Variants in RAPGEF2 observed in about 807,000 individuals in gnomAD.
RAPGEF2 encodes the protein Rap guanine nucleotide exchange factor 2, also known as PDZ domain containing guanine nucleotide exchange factor (GEF) 1.
RAPGEF2 carries 54 observed loss-of-function variants against 186.7 expected under a neutral mutation model. The ratio of observed to expected loss-of-function variants is 0.29; its 90% CI spans 0.23 to 0.36. RAPGEF2 has a LOEUF of 0.36. Ranked by LOEUF, RAPGEF2 falls within the 10% of genes least tolerant of loss-of-function variation. The pLI is 1.00. For synonymous variants in RAPGEF2, 712 were observed against 705.9 expected (o/e 1.01, Z -0.14); for missense variants, 1,532 against 2,045.0 (o/e 0.75, Z 4.84).
chr4:159,131,631 A>C (rs571028146), intron 1 of RAPGEF2, among the ~76,000 whole-genome samples: 1 of 147,770 alleles, frequency 6.8e-6, no homozygotes, highest in East Asian at 2.0e-4. Context: ...TGCTAAGTGC[A>C]GTTAAAGTTC....
chr4:159,310,171 CAT>C (rs532925302), intron 8 of RAPGEF2, among the ~76,000 whole-genome samples: 132 of 152,148 alleles, frequency 8.7e-4, no homozygotes, highest in African/African-American at 3.0e-3. Flanking sequence ...GTATTTGAAA[CAT>C]AATAGTAATT....
At position 159,350,256 on chromosome 4, in the gene RAPGEF2, C is replaced by T; in HGVS notation, c.3832C>T (p.Pro1278Ser). ...AAATGCATCTTCGCAGCTTTCTTCTCCTCCTACTTCTCCACAGAGTTCTCC... is the reference window on the plus strand; with the variant it reads ...AAATGCATCTTCGCAGCTTTCTTCTTCTCCTACTTCTCCACAGAGTTCTCC... ...ISNASSQLSS[P>S]PTSPQSSPRK... The change falls in exon 26 of 30, where the codon CCT (proline) becomes TCT (serine). Residue 1278 changes from proline to serine, a missense_variant. Coordinates refer to ENST00000691494, the MANE Select transcript of RAPGEF2 (RefSeq NM_001394067.2). 1 of 1,594,546 alleles carries T rather than the reference C, an allele frequency of 6.3e-7. No homozygotes were observed. The highest frequency in any genetic ancestry group is 8.5e-7 in the Non-Finnish European group (1 of 1,171,900).
intron 4 of RAPGEF2, among the ~76,000 whole-genome samples, chr4:159,222,316 A>G (rs979239422): frequency 4.6e-5 from 7 of 152,218 alleles, no homozygotes; most frequent in Non-Finnish European, 1.0e-4. Flanking sequence ...TAACACAGTA[A>G]GTAGCCGTAA....
rs1000167247 is a variant in RAPGEF2 at position 159,350,358 on chromosome 4, G to A, written c.3865+69G>A. 34 of 1,284,978 alleles carry A rather than the reference G, an allele frequency of 2.6e-5. No homozygotes were observed. The East Asian group carries it at 6.8e-4, about 26-fold the overall frequency. 79.6% of individuals were successfully genotyped at this position (1,284,978 alleles called of 1,614,324 possible). On this transcript the variant is annotated intron_variant, in intron 26 of 29. Coordinates refer to ENST00000691494, the MANE Select transcript of RAPGEF2 (RefSeq NM_001394067.2). ...CATTTTGGCTATAATAAATTCCAGA[G>A]TAATGTATTACATAATTCCTAACAT... is the stretch of plus-strand genomic sequence containing the variant.
At chr4:159,138,263 C>G (rs1338778849) in intron 1 of RAPGEF2, among the ~76,000 whole-genome samples, 1 of 152,160 alleles carries the variant, frequency 6.6e-6, no homozygotes, top group Non-Finnish European at 1.5e-5. Context: ...AGATGGGTAT[C>G]TATACCTAAA....
At chr4:159,188,539 T>A (rs949654825) in intron 2 of RAPGEF2, among the ~76,000 whole-genome samples, 2 of 151,146 alleles carry the variant, frequency 1.3e-5, no homozygotes, top group African/African-American at 4.9e-5. Flanking sequence ...TGGCAAACGC[T>A]TATAATCCCA....
chr4:159,337,134 A>G (rs1364420074), intron 17 of RAPGEF2, among the ~76,000 whole-genome samples: 1 of 152,238 alleles, frequency 6.6e-6, no homozygotes, highest in Non-Finnish European at 1.5e-5. Context: ...AATAACCAGT[A>G]TTTCTCTGGA....
intron 1 of RAPGEF2, among the ~76,000 whole-genome samples, chr4:159,141,023 G>T (rs1742261892): frequency 1.3e-5 from 2 of 151,856 alleles, no homozygotes; most frequent in African/African-American, 4.8e-5. Context: ...GTAGAGACGG[G>T]GTTGAGTTCA....
intron 7 of RAPGEF2, among the ~76,000 whole-genome samples, chr4:159,293,977 AC>A (rs1422278319): frequency 1.2e-4 from 18 of 152,182 alleles, no homozygotes; most frequent in Admixed American, 1.2e-3. Context: ...ATTGGCACTT[AC>A]GTAACCGGAA....
At chr4:159,323,664 A>G in intron 11 of RAPGEF2, 47 bp downstream of exon 11, 11 of 1,152,144 alleles carry the variant, frequency 9.5e-6, no homozygotes, top group Non-Finnish European at 1.3e-5. Context: ...TTAATAAAGA[A>G]CACTTATATG....
At chr4:159,252,297 G>T (rs1322158852) in intron 7 of RAPGEF2, among the ~76,000 whole-genome samples, 1 of 152,166 alleles carries the variant, frequency 6.6e-6, no homozygotes, top group Non-Finnish European at 1.5e-5. Flanking sequence ...CGATTTGCCT[G>T]CCTTGGCCTC....
At chr4:159,274,914 C>T (rs958578457) in intron 7 of RAPGEF2, among the ~76,000 whole-genome samples, 3 of 152,136 alleles carry the variant, frequency 2.0e-5, no homozygotes, top group Admixed American at 1.3e-4. Context: ...CCAATGGTCC[C>T]TGCCACTCAC....
rs186800143 is a variant in RAPGEF2 at position 159,350,169 on chromosome 4, C to A, written c.3745C>A (p.Leu1249Ile). ...CTCTCCACAAGCTTTAAAAAAAATT[C>A]TTTCTTTGTCTGAAGAAGGAAGTTT... is the stretch of plus-strand genomic sequence containing the variant. Reference protein sequence around the residue: ...INSPQALKKILSLSEEGSLER... With the variant: ...INSPQALKKIISLSEEGSLER... The change falls in exon 26 of 30, where the codon CTT becomes ATT. Residue 1249 changes from leucine (L) to isoleucine (I), a missense_variant. This residue lies in a region of RAPGEF2 where 594 missense variants were observed against 608.5 expected (regional missense o/e 0.98). Transcript: ENST00000691494. 61 of 1,565,258 alleles carry A rather than the reference C, an allele frequency of 3.9e-5. No homozygotes were observed. The East Asian group carries it at 5.1e-4, about 13-fold the overall frequency.
intron 7 of RAPGEF2, among the ~76,000 whole-genome samples, chr4:159,251,810 G>A (rs923553591): frequency 6.6e-6 from 1 of 151,980 alleles, no homozygotes; most frequent in Non-Finnish European, 1.5e-5. Context: ...AGCAGGATGT[G>A]GGTGGGGTCA....
intron 1 of RAPGEF2, among the ~76,000 whole-genome samples, chr4:159,176,865 C>T (rs1746498217): frequency 6.6e-6 from 1 of 152,126 alleles, no homozygotes; most frequent in South Asian, 2.1e-4. Context: ...TTAACGACTT[C>T]ATTTTAAGTG....
chr4:159,150,467 T>A (rs911556712), intron 1 of RAPGEF2, among the ~76,000 whole-genome samples: 3 of 152,204 alleles, frequency 2.0e-5, no homozygotes, highest in African/African-American at 7.2e-5. Context: ...ACAGGCTTCT[T>A]GTGCTTAGGG....
chr4:159,332,333 A>G (rs1336864622), intron 16 of RAPGEF2, 118 bp from the exon 17 acceptor site: 2 of 1,065,088 alleles, frequency 1.9e-6, no homozygotes, highest in East Asian at 4.8e-5. Context: ...GCAGGTTTGC[A>G]GTTTTGATAA....
chr4:159,267,510 T>G (rs1365351551), intron 7 of RAPGEF2, among the ~76,000 whole-genome samples: 1 of 152,210 alleles, frequency 6.6e-6, no homozygotes, highest in Non-Finnish European at 1.5e-5. Flanking sequence ...ACTTGGTTAG[T>G]GGAGTGGGAC....
chr4:159,105,861 G>T (rs1372015993), intron 1 of RAPGEF2, among the ~76,000 whole-genome samples: 1 of 152,226 alleles, frequency 6.6e-6, no homozygotes, highest in Non-Finnish European at 1.5e-5. Context: ...ACCTAGCAAG[G>T]CTGGTCAGAA....
Sources: gnomAD v4.1 joint callset for allele counts (sites outside exome capture counted in the v4.1 genomes callset) on GRCh38, gnomAD v4.1.1 for gene constraint, gnomAD v4.1.1 regional missense constraint, MANE v1.5 for transcripts, NCBI Gene and HGNC (gene_info 2026-07-23, HGNC 2026-07-21) for gene names.